UMAD1: variants seen among roughly 807,000 people sequenced by gnomAD.
UMAD1 encodes UBAP1-MVB12-associated (UMA) domain containing 1, also known as UBAP1-MVB12-associated (UMA)-domain containing protein 1.
In UMAD1, 8 loss-of-function variants were observed where a neutral mutation model predicts 6.1. That is an observed-to-expected ratio of 1.30 (90% confidence interval 0.76 to 2.35). UMAD1 has a LOEUF of 2.35. UMAD1 is among the 30% of genes most tolerant of loss of function. The probability of loss-of-function intolerance (pLI) is 0.00; values close to 1 mark genes in which losing one functional copy is unlikely to be tolerated. For synonymous variants in UMAD1, 56 were observed against 31.4 expected (o/e 1.78, Z -2.61); for missense variants, 130 against 78.4 (o/e 1.66, Z -2.49).
chr7:7,850,051 A>G (rs1783882229), intron 3 of UMAD1, among the ~76,000 whole-genome samples: 1 of 152,158 alleles, frequency 6.6e-6, no homozygotes, highest in Non-Finnish European at 1.5e-5. Flanking sequence ...CATGCCCAGT[A>G]TAAGTCTGTA....
chr7:7,815,357 G>C (rs1339492485), intron 3 of UMAD1, among the ~76,000 whole-genome samples: 2 of 152,030 alleles, frequency 1.3e-5, no homozygotes, highest in African/African-American at 4.8e-5. Context: ...TTTCTTTTTA[G>C]ATTGGAAGGA....
chr7:7,684,787 G>T (rs1423436602), intron 2 of UMAD1, among the ~76,000 whole-genome samples: 1 of 152,142 alleles, frequency 6.6e-6, no homozygotes, highest in African/African-American at 2.4e-5. Context: ...AACATCTGAG[G>T]TACCTTTTAA....
At chr7:7,699,530 GA>G (rs1414367283) in intron 2 of UMAD1, among the ~76,000 whole-genome samples, 1 of 152,198 alleles carries the variant, frequency 6.6e-6, no homozygotes, top group Non-Finnish European at 1.5e-5. Flanking sequence ...TTTCACTTTA[GA>G]AACTGCTAGA....
intron 3 of UMAD1, among the ~76,000 whole-genome samples, chr7:7,852,688 C>T (rs551440051): frequency 2.0e-5 from 3 of 152,284 alleles, no homozygotes; most frequent in South Asian, 2.1e-4. Flanking sequence ...GGAGCTGGCA[C>T]GTGCTAACCT....
intron 2 of UMAD1, among the ~76,000 whole-genome samples, chr7:7,719,467 A>G (rs1353923931): frequency 1.3e-5 from 2 of 152,180 alleles, no homozygotes; most frequent in Non-Finnish European, 2.9e-5. Flanking sequence ...TCATGAGCAC[A>G]TGTTTCTTCA....
At chr7:7,752,183 A>C (rs1167281045) in intron 2 of UMAD1, among the ~76,000 whole-genome samples, 1 of 152,232 alleles carries the variant, frequency 6.6e-6, no homozygotes, top group African/African-American at 2.4e-5. Flanking sequence ...AAATTATTTG[A>C]TATCAAAAAG....
chr7:7,871,277 T>C (rs1784326973), intron 3 of UMAD1, among the ~76,000 whole-genome samples: 1 of 152,204 alleles, frequency 6.6e-6, no homozygotes. Context: ...CTTTAATAAC[T>C]GTTATATTTT....
intron 3 of UMAD1, among the ~76,000 whole-genome samples, chr7:7,826,368 T>G (rs899700070): frequency 5.3e-5 from 8 of 152,158 alleles, no homozygotes; most frequent in African/African-American, 1.9e-4. Context: ...TTCGATTCTC[T>G]AGTATCTAGT....
intron 2 of UMAD1, among the ~76,000 whole-genome samples, chr7:7,778,275 T>TGAGAGAGA (rs1554327252): frequency 9.0e-6 from 1 of 110,654 alleles, no homozygotes. Context: ...TGTGTGTGTG[T>TGAGAGAGA]GAGAGAGAGA....
intron 2 of UMAD1, among the ~76,000 whole-genome samples, chr7:7,722,314 G>A (rs559036450): frequency 6.6e-5 from 10 of 151,996 alleles, no homozygotes; most frequent in Middle Eastern, 3.4e-3. Flanking sequence ...GAGTTCCTTC[G>A]TTGGTTTTGG....
intron 2 of UMAD1, among the ~76,000 whole-genome samples, chr7:7,690,970 G>A (rs1336559548): frequency 6.6e-6 from 1 of 152,172 alleles, no homozygotes; most frequent in African/African-American, 2.4e-5. Context: ...AAGGAGTGCA[G>A]TTTCTTTCTG....
At chr7:7,780,152 G>T (rs1001064806) in intron 2 of UMAD1, among the ~76,000 whole-genome samples, 1 of 152,132 alleles carries the variant, frequency 6.6e-6, no homozygotes, top group South Asian at 2.1e-4. Flanking sequence ...ACTTAAACAG[G>T]TTCCAGTGTT....
chr7:7,762,556 G>A (rs1200749021), intron 2 of UMAD1, among the ~76,000 whole-genome samples: 1 of 152,112 alleles, frequency 6.6e-6, no homozygotes, highest in African/African-American at 2.4e-5. Context: ...ATTGCTATGG[G>A]ATGCCTCATG....
chr7:7,672,848 A>G (rs1460450775), intron 1 of UMAD1, among the ~76,000 whole-genome samples: 5 of 152,218 alleles, frequency 3.3e-5, no homozygotes, highest in East Asian at 3.8e-4. Context: ...TTAGGTAACC[A>G]TCAGTAGGGG....
intron 3 of UMAD1, among the ~76,000 whole-genome samples, chr7:7,804,930 G>C (rs1017556852): frequency 6.6e-6 from 1 of 151,850 alleles, no homozygotes; most frequent in African/African-American, 2.4e-5. Flanking sequence ...GCAGTGAGCC[G>C]AGATCACACC....
intron 2 of UMAD1, among the ~76,000 whole-genome samples, chr7:7,765,148 A>G (rs974761655): frequency 1.3e-5 from 2 of 152,036 alleles, no homozygotes; most frequent in Non-Finnish European, 2.9e-5. Context: ...GTCAGTGAGG[A>G]CAACATCTCA....
chr7:7,655,245 C>T (rs1785314130), intron 1 of UMAD1, among the ~76,000 whole-genome samples: 1 of 152,062 alleles, frequency 6.6e-6, no homozygotes, highest in Non-Finnish European at 1.5e-5. Context: ...CTAGACTGCC[C>T]CTTCCCCCAG....
At position 7,784,824 on chromosome 7, in the gene UMAD1, C is replaced by T. The variant is rs560263665; in HGVS notation, c.83-16846C>T. On this transcript the variant is annotated intron_variant, in intron 2 of 3. Transcript: ENST00000682710. The stretch of plus-strand genomic sequence containing the variant: ...TCGCCCAGGCTGGAGTGCAGTGGCG[C>T]GATCTCGGCTCGCTGCAGGCTCCGC... 6.8e-5 allele frequency among the ~76,000 whole-genome samples: 9 copies of T among 133,048 alleles called. No homozygotes were observed. The East Asian group carries it at 1.1e-3, about 16-fold the overall frequency. The allele number at this position is 133,048 out of a possible 152,430, so 87.3% of individuals were successfully genotyped here.
At chr7:7,806,594 A>G (rs1782917853) in intron 3 of UMAD1, among the ~76,000 whole-genome samples, 2 of 152,204 alleles carry the variant, frequency 1.3e-5, no homozygotes, top group African/African-American at 2.4e-5. Context: ...TACTTTACAT[A>G]ATAAACAGAC....
Sources: allele counts gnomAD v4.1 joint callset (sites outside exome capture counted in the v4.1 genomes callset), GRCh38; gene constraint gnomAD v4.1.1; transcripts MANE v1.5; gene names NCBI Gene and HGNC (gene_info 2026-07-23, HGNC 2026-07-21).